GABRG2: variants seen among roughly 807,000 people sequenced by gnomAD.
GABRG2 encodes gamma-aminobutyric acid receptor subunit gamma-2.
In GABRG2, 16 loss-of-function variants were observed where a neutral mutation model predicts 56.4. The ratio of observed to expected loss-of-function variants is 0.28; its 90% confidence interval spans 0.19 to 0.43. The LOEUF (loss-of-function observed/expected upper bound fraction) is 0.43, where lower values mean the gene tolerates loss of function less well. GABRG2 is among the 20% of genes least tolerant of loss of function. The probability of loss-of-function intolerance (pLI) is 1.00; values close to 1 mark genes in which losing one functional copy is unlikely to be tolerated. For missense variants in GABRG2, 327 were observed against 582.7 expected (o/e 0.56, Z 4.52); for synonymous variants, 208 against 205.5 (o/e 1.01, Z -0.10).
chr5:162,111,382 T>C (rs1000507176), intron 6 of GABRG2, among the ~76,000 whole-genome samples: 2 of 152,174 alleles, frequency 1.3e-5, no homozygotes, highest in African/African-American at 4.8e-5. Flanking sequence ...AATTCCAAGG[T>C]TGTGTTCACA....
chr5:162,106,348 C>G (rs1046459456), intron 6 of GABRG2, among the ~76,000 whole-genome samples: 1 of 152,092 alleles, frequency 6.6e-6, no homozygotes, highest in African/African-American at 2.4e-5. Context: ...CACTCCTCAC[C>G]CTGCTGGTTT....
At chr5:162,130,996 A>G (rs1449383927) in intron 6 of GABRG2, among the ~76,000 whole-genome samples, 1 of 152,020 alleles carries the variant, frequency 6.6e-6, no homozygotes, top group Non-Finnish European at 1.5e-5. Context: ...GATCCATTCA[A>G]TAAGAAAACA....
At chr5:162,109,898 C>T (rs1762137409) in intron 6 of GABRG2, among the ~76,000 whole-genome samples, 1 of 151,988 alleles carries the variant, frequency 6.6e-6, no homozygotes, top group Admixed American at 6.6e-5. Context: ...TGGTGGGATC[C>T]TCCTGCCATC....
At position 162,153,402 on chromosome 5, in the gene GABRG2, C is replaced by T; in HGVS notation, c.*34C>T. ...GGGTTTTACTGATATGGTTCTTATT[C>T]ACTGAGTCTCATGGAGAGATGTCTG... On this transcript the variant is annotated 3_prime_UTR_variant, in exon 10 of 10. Coordinates refer to ENST00000639213, the MANE Select transcript of GABRG2 (RefSeq NM_198904.4). 6.2e-7 allele frequency: 1 copy of T among 1,607,368 alleles called. No homozygotes were observed. The highest frequency in any genetic ancestry group is 8.5e-7 in the Non-Finnish European group (1 of 1,174,042).
Position 162,104,010 on chromosome 5 carries a change from A to C in GABRG2, c.753A>C (p.Val251=), listed in dbSNP as rs764267675. 8.7e-6 allele frequency: 14 copies of C among 1,613,888 alleles called. No individual in the cohort carries two copies. In the South Asian group the frequency reaches 1.4e-4, roughly 16 times the overall value. The change falls in exon 6 of 10, where the codon GTA becomes GTC. Residue 251 remains valine (V), a synonymous_variant. Coordinates refer to ENST00000639213, the MANE Select transcript of GABRG2 (RefSeq NM_198904.4). ...SFVGLRNTTE[V]VKTTSGDYVV... ...TTGGTCTAAGAAATACCACCGAAGT[A>C]GTGAAGACAACTTCCGGTAAGATGC...
At chr5:162,076,956 T>C (rs1196757250) in intron 1 of GABRG2, among the ~76,000 whole-genome samples, 1 of 152,162 alleles carries the variant, frequency 6.6e-6, no homozygotes, top group East Asian at 1.9e-4. Context: ...TAATAGACTT[T>C]TCCCCTGCAA....
At chr5:162,151,889 T>G (rs1765401325) in intron 9 of GABRG2, 136 bp downstream of exon 9, 1 of 768,194 alleles carries the variant, frequency 1.3e-6, no homozygotes, top group East Asian at 2.6e-5. Flanking sequence ...GAGAAAGTTC[T>G]ACAGACTTCT....
In GABRG2 at chr5:162,135,012, A is replaced by G. The variant is rs370986076; in HGVS notation, c.770-7152A>G. ...TCCCTCAATTGCTATTTTGTTCTTC[A>G]CGAACTTAATAGATGAAATCAGAAC... On this transcript the variant is annotated intron_variant, in intron 6 of 9. Coordinates refer to ENST00000639213, the MANE Select transcript of GABRG2 (RefSeq NM_198904.4). 3.9e-5 allele frequency among the ~76,000 whole-genome samples: 6 copies of G among 152,266 alleles called. No homozygotes were observed. In the East Asian group the frequency reaches 7.7e-4, roughly 20 times the overall value.
At chr5:162,115,488 G>A (rs1762553412) in intron 6 of GABRG2, among the ~76,000 whole-genome samples, 1 of 152,094 alleles carries the variant, frequency 6.6e-6, no homozygotes, top group Non-Finnish European at 1.5e-5. Flanking sequence ...CCAGGGTGTT[G>A]CCATAGAGAT....
At chr5:162,077,119 T>C (rs1273628265) in intron 1 of GABRG2, among the ~76,000 whole-genome samples, 1 of 148,926 alleles carries the variant, frequency 6.7e-6, no homozygotes, top group Non-Finnish European at 1.5e-5. Context: ...GTGATGTTTC[T>C]ATCACATCAG....
chr5:162,098,055 A>C (rs1366882667), intron 4 of GABRG2, 197 bp downstream of exon 4: 1 of 594,436 alleles, frequency 1.7e-6, no homozygotes, highest in Non-Finnish European at 3.0e-6. Flanking sequence ...TTTTCAAAGC[A>C]CTAATTATAG....
chr5:162,129,646 A>G (rs1763586085), intron 6 of GABRG2, among the ~76,000 whole-genome samples: 1 of 151,930 alleles, frequency 6.6e-6, no homozygotes, highest in Non-Finnish European at 1.5e-5. Flanking sequence ...AGACCGGACA[A>G]GTAAAGTAAC....
intron 6 of GABRG2, among the ~76,000 whole-genome samples, chr5:162,111,797 T>A (rs750134259): frequency 3.3e-5 from 5 of 152,144 alleles, no homozygotes; most frequent in African/African-American, 7.2e-5. Flanking sequence ...AGAAATGAAT[T>A]AAAATAAAAA....
chr5:162,113,256 A>G (rs1451638211), intron 6 of GABRG2, among the ~76,000 whole-genome samples: 1 of 152,042 alleles, frequency 6.6e-6, no homozygotes, highest in Non-Finnish European at 1.5e-5. Context: ...GTTTTTGTAT[A>G]AGGGTATCTC....
At chr5:162,150,798 G>A (rs948437252) in intron 8 of GABRG2, 1 of 152,218 alleles carries the variant, frequency 6.6e-6, no homozygotes, top group African/African-American at 2.4e-5. Flanking sequence ...TGGAAAGAAA[G>A]AAACATCATT....
At chr5:162,094,720 C>T (rs1760871418) in intron 2 of GABRG2, 1 of 152,210 alleles carries the variant, frequency 6.6e-6, no homozygotes, top group South Asian at 2.1e-4. Context: ...GAATTCAGTC[C>T]ACCACAGTGA....
rs188044681 is a variant in GABRG2, at chr5:162,120,046, G to A, written c.769+16020G>A. On this transcript the variant is annotated intron_variant, in intron 6 of 9. Coordinates refer to ENST00000639213, the MANE Select transcript of GABRG2 (RefSeq NM_198904.4). ...CTGGTGGGAGAAATGTATCTGCAGC[G>A]TCCATCTGCCAGCTCCATACTGAAA... 7.2e-5 allele frequency among the ~76,000 whole-genome samples: 11 copies of A among 152,140 alleles called. No homozygotes were observed. The East Asian group carries it at 9.7e-4, about 13-fold the overall frequency.
intron 6 of GABRG2, among the ~76,000 whole-genome samples, chr5:162,110,833 G>A (rs987657698): frequency 2.0e-5 from 3 of 152,074 alleles, no homozygotes; most frequent in African/African-American, 7.2e-5. Flanking sequence ...ACCAGTGGAT[G>A]ATTGCACAGT....
At chr5:162,150,896 T>C (rs563553660) in intron 8 of GABRG2, 1 of 152,400 alleles carries the variant, frequency 6.6e-6, no homozygotes, top group African/African-American at 2.4e-5. Flanking sequence ...GTTTTGCCTC[T>C]CTCTGACTTT....
Sources: gnomAD v4.1 joint callset for allele counts (sites outside exome capture counted in the v4.1 genomes callset) on GRCh38, gnomAD v4.1.1 for gene constraint, MANE v1.5 for transcripts, NCBI Gene and HGNC (gene_info 2026-07-23, HGNC 2026-07-21) for gene names.